LUZP2: variants seen among roughly 807,000 people sequenced by gnomAD.
The protein encoded by LUZP2 is leucine zipper protein 2.
In LUZP2, 52 loss-of-function variants were observed where a neutral mutation model predicts 51.6. The observed-to-expected ratio is 1.01, with a 90% CI of 0.81 to 1.27. The LOEUF (loss-of-function observed/expected upper bound fraction) is 1.27, where lower values mean the gene tolerates loss of function less well. LUZP2 is among the 50% of genes most tolerant of loss of function. LUZP2 has a pLI of 0.00. For missense variants in LUZP2, 436 were observed against 395.4 expected, an observed-to-expected ratio of 1.10 and a Z score of -0.87; for synonymous variants, 154 against 137.3, an observed-to-expected ratio of 1.12 and a Z score of -0.85.
intron 7 of LUZP2, among the ~76,000 whole-genome samples, chr11:24,975,777 T>C (rs1331730009): frequency 6.6e-6 from 1 of 152,020 alleles, no homozygotes; most frequent in African/African-American, 2.4e-5. Context: ...TACTGCTTTT[T>C]TATTCTAATA....
At chr11:24,968,322 A>G (rs1855647899) in intron 7 of LUZP2, among the ~76,000 whole-genome samples, 3 of 152,188 alleles carry the variant, frequency 2.0e-5, no homozygotes, top group African/African-American at 7.2e-5. Context: ...CACAAAAGCA[A>G]GTAGACTATA....
chr11:24,838,318 T>A lies in LUZP2; in HGVS notation c.397-67673T>A, dbSNP rs139190346. The stretch of plus-strand genomic sequence containing the variant: ...AATATTCATATACATTCTCTTTTTG[T>A]ATACTTAACAACCTTGTGAAGGAGA... On this transcript the variant is annotated intron_variant, in intron 5 of 11. Transcript: ENST00000336930. Among the ~76,000 whole-genome samples, 787 of 151,846 alleles carry A rather than the reference T, an allele frequency of 5.2e-3. 9 individuals are homozygous for A. The highest frequency in any genetic ancestry group is 0.018 in the African/African-American group (742 of 41,542).
At chr11:24,643,926 T>C (rs1340102619) in intron 1 of LUZP2, among the ~76,000 whole-genome samples, 1 of 152,212 alleles carries the variant, frequency 6.6e-6, no homozygotes, top group African/African-American at 2.4e-5. Flanking sequence ...ATTCGTAATG[T>C]AATGATGTTG....
chr11:24,972,599 T>C (rs908840410), intron 7 of LUZP2, among the ~76,000 whole-genome samples: 1 of 152,160 alleles, frequency 6.6e-6, no homozygotes, highest in Non-Finnish European at 1.5e-5. Context: ...TTTTTGAGTA[T>C]GTTCCTTCAA....
chr11:24,502,294 G>A (rs1364677131), intron 1 of LUZP2, among the ~76,000 whole-genome samples: 1 of 150,094 alleles, frequency 6.7e-6, no homozygotes, highest in Non-Finnish European at 1.5e-5. Context: ...TCATCCAAAA[G>A]AAAAGAATGA....
chr11:24,845,854 C>A (rs571485024), intron 5 of LUZP2, among the ~76,000 whole-genome samples: 146 of 152,224 alleles, frequency 9.6e-4, no homozygotes, highest in Non-Finnish European at 1.3e-3. Flanking sequence ...GTCTACGAAG[C>A]CTCTTTTTCT....
intron 1 of LUZP2, among the ~76,000 whole-genome samples, chr11:24,710,517 A>G (rs1012187243): frequency 2.6e-5 from 4 of 152,178 alleles, no homozygotes; most frequent in Non-Finnish European, 5.9e-5. Flanking sequence ...CATTGATCGT[A>G]TATTGACAGG....
intron 5 of LUZP2, among the ~76,000 whole-genome samples, chr11:24,864,054 A>G (rs1219036851): frequency 3.3e-5 from 5 of 152,210 alleles, no homozygotes; most frequent in Non-Finnish European, 7.3e-5. Context: ...ATAATGGTGT[A>G]TCAGAAAATA....
At chr11:24,832,769 T>C (rs2716499) in intron 5 of LUZP2, among the ~76,000 whole-genome samples, 23,785 of 151,978 alleles carry the variant, frequency 0.16, 2,069 homozygotes, top group African/African-American at 0.22. Context: ...TTCACAATAA[T>C]ATTAATGTCA....
chr11:24,962,490 C>G (rs984476141), intron 7 of LUZP2, among the ~76,000 whole-genome samples: 29 of 152,120 alleles, frequency 1.9e-4, no homozygotes, highest in Non-Finnish European at 3.7e-4. Context: ...CTCTAAACTT[C>G]CCTTCTTGCT....
At chr11:24,970,153 C>T (rs1443113357) in intron 7 of LUZP2, among the ~76,000 whole-genome samples, 1 of 152,078 alleles carries the variant, frequency 6.6e-6, no homozygotes, top group Non-Finnish European at 1.5e-5. Context: ...GAGCCAACAG[C>T]ATTACTTTTT....
intron 9 of LUZP2, among the ~76,000 whole-genome samples, chr11:25,033,503 G>T (rs6484098): frequency 1.3e-5 from 2 of 152,028 alleles, no homozygotes; most frequent in African/African-American, 2.4e-5. Flanking sequence ...GTCGAGGCTT[G>T]GGGTAGTGAT....
At chr11:24,935,463 A>G (rs1283491422) in intron 7 of LUZP2, among the ~76,000 whole-genome samples, 2 of 152,202 alleles carry the variant, frequency 1.3e-5, no homozygotes, top group African/African-American at 4.8e-5. Context: ...GAGCACAAAG[A>G]AAGTACAACA....
chr11:24,802,307 C>G (rs1400941265), intron 5 of LUZP2, among the ~76,000 whole-genome samples: 1 of 151,944 alleles, frequency 6.6e-6, no homozygotes, highest in African/African-American at 2.4e-5. Context: ...TATATTTACC[C>G]ATTCCTCTGT....
intron 1 of LUZP2, among the ~76,000 whole-genome samples, chr11:24,553,942 C>A (rs557759911): frequency 1.3e-5 from 2 of 152,150 alleles, no homozygotes; most frequent in Non-Finnish European, 1.5e-5. Context: ...GAAAGTATTT[C>A]TCTCTAAAGT....
At chr11:24,644,897 G>A (rs1199194381) in intron 1 of LUZP2, among the ~76,000 whole-genome samples, 1 of 152,086 alleles carries the variant, frequency 6.6e-6, no homozygotes, top group Non-Finnish European at 1.5e-5. Context: ...TTGGCCAAGC[G>A]TTTCAGATAA....
At position 24,505,308 on chromosome 11, in the gene LUZP2, T is replaced by C. The variant is rs150764914; in HGVS notation, c.62+8003T>C. On this transcript the variant is annotated intron_variant, in intron 1 of 11. Transcript: ENST00000336930. Reference sequence around the variant, plus strand: ...GGGGAGTTTAGGGGAGGAATGGAGATGACAAGAGGTGTTTGTCGTGTTGCA... The same window carrying C: ...GGGGAGTTTAGGGGAGGAATGGAGACGACAAGAGGTGTTTGTCGTGTTGCA... Among the ~76,000 whole-genome samples the C allele has an allele frequency of 6.5e-3, 983 of 152,266 alleles. 4 individuals carry two copies. Among genetic ancestry groups the C allele is most frequent in the African/African-American group, 0.018 (730 of 41,562 alleles).
intron 10 of LUZP2, among the ~76,000 whole-genome samples, chr11:25,073,070 C>A (rs558525336): frequency 1.3e-5 from 2 of 152,168 alleles, no homozygotes; most frequent in Admixed American, 1.3e-4. Context: ...TAGCTTGAAG[C>A]AAGCTTACAG....
chr11:24,936,139 A>T (rs1389277382), intron 7 of LUZP2, among the ~76,000 whole-genome samples: 1 of 152,222 alleles, frequency 6.6e-6, no homozygotes, highest in Non-Finnish European at 1.5e-5. Context: ...TACAATAGAC[A>T]CAGTTCAGAA....
Sources: allele counts gnomAD v4.1 joint callset (sites outside exome capture counted in the v4.1 genomes callset), GRCh38; gene constraint gnomAD v4.1.1; transcripts MANE v1.5; gene names NCBI Gene and HGNC (gene_info 2026-07-23, HGNC 2026-07-21).